The following TBXAS1 variants were observed in gnomAD, a reference collection of about 807,000 sequenced individuals.
TBXAS1 encodes thromboxane-A synthase.
Under a neutral mutation model 60.7 loss-of-function variants are expected in TBXAS1, and 48 were observed. The observed-to-expected ratio is 0.79, with a 90% CI of 0.63 to 1.01. The LOEUF (loss-of-function observed/expected upper bound fraction) is 1.01, where lower values mean the gene tolerates loss of function less well. TBXAS1 is among the 50% of genes least tolerant of loss of function. The pLI is 0.00. For synonymous variants in TBXAS1, 287 were observed against 269.7 expected (o/e 1.06, Z -0.63); for missense variants, 685 against 686.3 (o/e 1.00, Z 0.02).
rs1814820890 is a variant in TBXAS1, at chr7:140,013,972, C to G, written c.1227-1751C>G. Among the ~76,000 whole-genome samples the G allele has an allele frequency of 6.6e-6, 1 of 152,204 alleles. No homozygotes were observed. Among genetic ancestry groups the G allele is most frequent in the South Asian group, 2.1e-4 (1 of 4,832 alleles). On this transcript the variant is annotated intron_variant, in intron 10 of 12. Transcript: ENST00000448866. This position sits in a 1 kb window ranked among gnomAD's most constrained non-coding sequence, Gnocchi z 4.2. ...CCTTGACTTTGAGCTACAGGTTTCA[C>G]CAGCTAACTGCGACTCTAGCCTCAG...
Position 139,803,225 on chromosome 7 carries a change from A to T in TBXAS1, c.-80+15799A>T, listed in dbSNP as rs141259722. ...AATGCTGATAGTGATATGGACAATAAAGTACAGGCTGAGGTGGTCTCAGAC... is the reference window on the plus strand; with the variant it reads ...AATGCTGATAGTGATATGGACAATATAGTACAGGCTGAGGTGGTCTCAGAC... On this transcript the variant is annotated intron_variant, in intron 4 of 16. Transcript: ENST00000336425. Among the ~76,000 whole-genome samples, 326 of 152,298 alleles carry T rather than the reference A, an allele frequency of 2.1e-3. 2 individuals are homozygous for T. Among genetic ancestry groups the T allele is most frequent in the African/African-American group, 6.9e-3 (288 of 41,546 alleles).
chr7:139,953,047 CTG>C (rs1355784635), intron 5 of TBXAS1, among the ~76,000 whole-genome samples: 1 of 152,204 alleles, frequency 6.6e-6, no homozygotes, highest in East Asian at 1.9e-4. Context: ...TGTCATGAAA[CTG>C]AGTACTGATT....
intron 1 of TBXAS1, among the ~76,000 whole-genome samples, chr7:139,832,720 G>A (rs1317287571): frequency 1.3e-5 from 2 of 152,202 alleles, no homozygotes; most frequent in African/African-American, 4.8e-5. Context: ...GAAGAACCAG[G>A]TAACCTATAA....
At chr7:139,921,658 G>A (rs1030750178) in intron 4 of TBXAS1, among the ~76,000 whole-genome samples, 4 of 152,232 alleles carry the variant, frequency 2.6e-5, no homozygotes, top group African/African-American at 9.6e-5. Context: ...AGCTATGATC[G>A]TGCCACTGCA....
chr7:139,986,795 GTGTGTA>G (rs1342659827), intron 9 of TBXAS1, among the ~76,000 whole-genome samples: 4 of 41,654 alleles, frequency 9.6e-5, no homozygotes, highest in South Asian at 1.1e-3. Flanking sequence ...GTGTGTGTGT[GTGTGTA>G]TATATATATA....
At chr7:139,968,564 G>A (rs1340582084) in intron 9 of TBXAS1, among the ~76,000 whole-genome samples, 1 of 152,198 alleles carries the variant, frequency 6.6e-6, no homozygotes, top group African/African-American at 2.4e-5. Flanking sequence ...CAAAGTGCTG[G>A]AATTACAGGC....
chr7:139,991,476 G>A (rs1812898846), intron 9 of TBXAS1, among the ~76,000 whole-genome samples: 1 of 152,156 alleles, frequency 6.6e-6, no homozygotes, highest in Non-Finnish European at 1.5e-5. Flanking sequence ...CAGGCAGCAG[G>A]TGACACAGGC....
intron 6 of TBXAS1, among the ~76,000 whole-genome samples, chr7:139,953,739 A>T (rs1389198976): frequency 6.6e-6 from 1 of 152,210 alleles, no homozygotes; most frequent in Non-Finnish European, 1.5e-5. Flanking sequence ...GCGCCTAAGG[A>T]CAGGGATGGG....
chr7:139,949,203 C>T (rs1262805371), intron 5 of TBXAS1, among the ~76,000 whole-genome samples: 1 of 152,182 alleles, frequency 6.6e-6, no homozygotes, highest in Non-Finnish European at 1.5e-5. Flanking sequence ...TCTTTATACA[C>T]AGGGCATGCC....
chr7:139,895,037 C>A (rs1803977812), intron 3 of TBXAS1, among the ~76,000 whole-genome samples: 1 of 152,108 alleles, frequency 6.6e-6, no homozygotes, highest in Non-Finnish European at 1.5e-5. Flanking sequence ...CAGAAAGAAA[C>A]CCAGAAGAAC....
intron 1 of TBXAS1, among the ~76,000 whole-genome samples, chr7:139,870,333 T>C (rs1207981142): frequency 6.6e-6 from 1 of 152,242 alleles, no homozygotes; most frequent in Non-Finnish European, 1.5e-5. Context: ...GATGTAATTA[T>C]GTGGTCCAAG....
chr7:139,954,770 A>G (rs1265963849), intron 6 of TBXAS1, among the ~76,000 whole-genome samples: 1 of 152,184 alleles, frequency 6.6e-6, no homozygotes, highest in Non-Finnish European at 1.5e-5. Flanking sequence ...AATTTTCTGG[A>G]GCTCCTGCCA....
chr7:139,957,722 T>G lies in TBXAS1; in HGVS notation c.777T>G (p.Ile259Met). Residue 259 changes from isoleucine (I) to methionine (M), a missense_variant, in exon 8 of 13, where the codon ATT becomes ATG. Transcript: ENST00000448866. ...DELNGFFNKL[I>M]RNVIALRDQQ... ...TGAATGGCTTTTTTAACAAACTCAT[T>G]AGGAATGTGATTGCCTTGCGGGACC... The G allele has an allele frequency of 6.2e-7, 1 of 1,614,046 alleles. No homozygotes were observed. Among genetic ancestry groups the G allele is most frequent in the Admixed American group, 1.7e-5 (1 of 60,012 alleles).
intron 3 of TBXAS1, among the ~76,000 whole-genome samples, chr7:139,907,042 T>C (rs1805160041): frequency 6.6e-6 from 1 of 152,246 alleles, no homozygotes; most frequent in South Asian, 2.1e-4. Context: ...TTTTCTTGCC[T>C]TATTGCACTG....
At chr7:139,803,844 A>G (rs1389866104) in intron 4 of TBXAS1, among the ~76,000 whole-genome samples, 2 of 152,182 alleles carry the variant, frequency 1.3e-5, no homozygotes, top group Admixed American at 6.5e-5. Context: ...AGGTTGGGGA[A>G]CCTCCACTTA....
intron 4 of TBXAS1, among the ~76,000 whole-genome samples, chr7:139,802,880 T>C (rs943606786): frequency 6.6e-6 from 1 of 152,172 alleles, no homozygotes; most frequent in African/African-American, 2.4e-5. Context: ...CCTGCTGCCA[T>C]GTAAGATGTG....
At chr7:139,861,436 T>C (rs1275708827) in intron 1 of TBXAS1, among the ~76,000 whole-genome samples, 2 of 149,986 alleles carry the variant, frequency 1.3e-5, no homozygotes, top group Non-Finnish European at 3.0e-5. Flanking sequence ...TTTTTTTTTT[T>C]TGGATCTCAC....
At chr7:139,906,619 A>G (rs920867775) in intron 3 of TBXAS1, among the ~76,000 whole-genome samples, 3 of 151,982 alleles carry the variant, frequency 2.0e-5, no homozygotes, top group African/African-American at 7.3e-5. Flanking sequence ...TTGCCTTTCC[A>G]TATAAGTTTT....
intron 10 of TBXAS1, among the ~76,000 whole-genome samples, chr7:140,009,144 G>A (rs575036055): frequency 9.3e-4 from 142 of 152,332 alleles, no homozygotes; most frequent in African/African-American, 3.4e-3. Flanking sequence ...ATTCTCCACT[G>A]ACCCGTTATA....
Sources: allele counts gnomAD v4.1 joint callset (sites outside exome capture counted in the v4.1 genomes callset), GRCh38; gene constraint gnomAD v4.1.1; non-coding constraint Gnocchi (gnomAD v3.1); transcripts MANE v1.5; gene names NCBI Gene and HGNC (gene_info 2026-07-23, HGNC 2026-07-21).